PTPRN2: variants seen among roughly 807,000 people sequenced by gnomAD.
PTPRN2 encodes receptor-type tyrosine-protein phosphatase N2.
PTPRN2 carries 74 observed loss-of-function variants against 118.8 expected under a neutral mutation model. That is an observed-to-expected ratio of 0.62 (90% CI 0.52 to 0.76). The LOEUF (loss-of-function observed/expected upper bound fraction) is 0.76. PTPRN2 is among the 30% of genes least tolerant of loss of function. PTPRN2 has a pLI of 0.00. For synonymous variants in PTPRN2, 641 were observed against 608.0 expected, an observed-to-expected ratio of 1.05 and a Z score of -0.80; for missense variants, 1,481 against 1,394.4, an observed-to-expected ratio of 1.06 and a Z score of -0.99.
At chr7:158,548,892 T>C (rs1826461510) in intron 1 of PTPRN2, among the ~76,000 whole-genome samples, 1 of 152,206 alleles carries the variant, frequency 6.6e-6, no homozygotes, top group Non-Finnish European at 1.5e-5. Flanking sequence ...CCGCAGTCCG[T>C]GCCAACAGCC....
At chr7:157,983,708 C>A (rs77603689) in intron 11 of PTPRN2, among the ~76,000 whole-genome samples, 4,096 of 152,286 alleles carry the variant, frequency 0.027, 202 homozygotes, top group African/African-American at 0.094. Flanking sequence ...AGGCTTGAGA[C>A]CGTGCTGCCG....
chr7:158,149,518 G>T (rs138026917), intron 6 of PTPRN2, among the ~76,000 whole-genome samples: 2 of 151,864 alleles, frequency 1.3e-5, no homozygotes, highest in African/African-American at 2.4e-5. Flanking sequence ...AAAAAGATAA[G>T]CCCGGCTGGG....
At chr7:158,491,214 G>A (rs1402816808) in intron 1 of PTPRN2, among the ~76,000 whole-genome samples, 9 of 152,200 alleles carry the variant, frequency 5.9e-5, no homozygotes, top group Admixed American at 5.9e-4. Flanking sequence ...TTCACAGGAG[G>A]AGGCAGCCTC....
chr7:158,192,304 C>G (rs775989229), intron 5 of PTPRN2, 23 bp downstream of exon 5: 1 of 1,448,320 alleles, frequency 6.9e-7, no homozygotes, highest in Non-Finnish European at 9.0e-7. Context: ...AACCCCGGCC[C>G]GGGGAGGAAG....
At chr7:157,606,613 C>T (rs565072561) in intron 15 of PTPRN2, among the ~76,000 whole-genome samples, 7 of 152,356 alleles carry the variant, frequency 4.6e-5, no homozygotes, top group African/African-American at 1.4e-4. Context: ...GCTTGGTGGC[C>T]GTGGGTCCCC....
intron 12 of PTPRN2, among the ~76,000 whole-genome samples, chr7:157,767,377 T>C (rs908505656): frequency 6.6e-6 from 1 of 152,216 alleles, no homozygotes; most frequent in Non-Finnish European, 1.5e-5. Context: ...GACTGCCATG[T>C]TATCTGTGTT....
intron 12 of PTPRN2, among the ~76,000 whole-genome samples, chr7:157,768,442 C>T (rs917833620): frequency 6.6e-5 from 10 of 152,132 alleles, no homozygotes; most frequent in Non-Finnish European, 8.8e-5. Flanking sequence ...AGTGTGGCTC[C>T]GGGCCGGACG....
At chr7:158,000,423 AAGCC>A (rs1291045721) in intron 11 of PTPRN2, among the ~76,000 whole-genome samples, 1 of 151,996 alleles carries the variant, frequency 6.6e-6, no homozygotes, top group Non-Finnish European at 1.5e-5. Flanking sequence ...CAACACGTGA[AAGCC>A]GTGGAGAGGC....
intron 12 of PTPRN2, among the ~76,000 whole-genome samples, chr7:157,862,129 G>A (rs1810285725): frequency 6.6e-6 from 1 of 152,192 alleles, no homozygotes; most frequent in Non-Finnish European, 1.5e-5. Flanking sequence ...CGAGGACTCT[G>A]TGTGCTGGAG....
chr7:157,758,270 C>T (rs1276087206), intron 12 of PTPRN2, among the ~76,000 whole-genome samples: 3 of 152,224 alleles, frequency 2.0e-5, no homozygotes, highest in Non-Finnish European at 4.4e-5. Flanking sequence ...TGCCCACAGT[C>T]CAGGCCTGTC....
intron 10 of PTPRN2, among the ~76,000 whole-genome samples, chr7:158,103,864 TA>T (rs1372488686): frequency 1.3e-5 from 2 of 151,320 alleles, no homozygotes; most frequent in African/African-American, 2.4e-5. Context: ...GACAGATTAT[TA>T]TTATTTTTTT....
intron 21 of PTPRN2, among the ~76,000 whole-genome samples, chr7:157,555,873 A>G (rs529457962): frequency 6.6e-6 from 1 of 152,246 alleles, no homozygotes; most frequent in Non-Finnish European, 1.5e-5. Context: ...TAAGGAACGA[A>G]GTGGAACAGT....
chr7:157,688,652 A>C (rs1797312456), intron 12 of PTPRN2, among the ~76,000 whole-genome samples: 1 of 152,114 alleles, frequency 6.6e-6, no homozygotes, highest in African/African-American at 2.4e-5. Flanking sequence ...CCCCGCAAGA[A>C]CCAGACCCTC....
At position 157,987,426 on chromosome 7, in the gene PTPRN2, T is replaced by C. The variant is rs1585146817; in HGVS notation, c.1724-88689A>G. ...CCTCACTAATGGGGTGATCGGTCAC[T>C]AAACGGGGTGAGATGACAGGTCATT... is the stretch of plus-strand genomic sequence containing the variant. On this transcript the variant is annotated intron_variant, in intron 11 of 22. Coordinates refer to ENST00000389418, the MANE Select transcript of PTPRN2 (RefSeq NM_002847.5). This position sits in a 1 kb window ranked among gnomAD's most constrained non-coding sequence, Gnocchi z 4.3. 6.6e-6 allele frequency among the ~76,000 whole-genome samples: 1 copy of C among 151,704 alleles called. No homozygotes were observed. Among genetic ancestry groups the C allele is most frequent in the East Asian group, 1.9e-4 (1 of 5,150 alleles).
intron 1 of PTPRN2, chr7:158,541,841 G>A (rs1826001389): frequency 1.6e-6 from 1 of 643,950 alleles, no homozygotes; most frequent in African/African-American, 2.0e-5. Flanking sequence ...CACCACGCAT[G>A]CGCATCACAC....
At chr7:157,843,114 C>G (rs1004296479) in intron 12 of PTPRN2, among the ~76,000 whole-genome samples, 3 of 152,114 alleles carry the variant, frequency 2.0e-5, no homozygotes, top group Non-Finnish European at 4.4e-5. Flanking sequence ...AAGTCCACAC[C>G]AATACTTTAC....
At chr7:158,157,110 C>A (rs369071868) in intron 6 of PTPRN2, among the ~76,000 whole-genome samples, 1 of 150,498 alleles carries the variant, frequency 6.6e-6, no homozygotes, top group Non-Finnish European at 1.5e-5. Context: ...GCTTACACAG[C>A]GGACAGCACG....
chr7:158,521,762 G>C (rs13309080), intron 1 of PTPRN2, among the ~76,000 whole-genome samples: 1 of 22,006 alleles, frequency 4.5e-5, no homozygotes, highest in African/African-American at 1.8e-4. Flanking sequence ...GTAGTGGCTC[G>C]GGAGGGAGGT....
intron 9 of PTPRN2, among the ~76,000 whole-genome samples, chr7:158,115,614 C>T (rs1328122031): frequency 6.6e-6 from 1 of 151,942 alleles, no homozygotes; most frequent in Non-Finnish European, 1.5e-5. Flanking sequence ...GATCTTTTTC[C>T]TTCATGTGAG....
Sources: allele counts gnomAD v4.1 joint callset (sites outside exome capture counted in the v4.1 genomes callset), GRCh38; gene constraint gnomAD v4.1.1; non-coding constraint Gnocchi (gnomAD v3.1); transcripts MANE v1.5; gene names NCBI Gene and HGNC (gene_info 2026-07-23, HGNC 2026-07-21).